The following MYO16 variants were observed in gnomAD, a reference collection of about 807,000 sequenced individuals.
The protein encoded by MYO16 is myosin XVI.
MYO16 carries 94 observed loss-of-function variants against 205.3 expected under a neutral mutation model. The ratio of observed to expected loss-of-function variants is 0.46; its 90% confidence interval spans 0.39 to 0.54. The LOEUF (loss-of-function observed/expected upper bound fraction) is 0.54. Among genes scored for constraint, MYO16 ranks in the 20% least tolerant of loss-of-function variants. The pLI is 0.00. For missense variants in MYO16, 2,315 were observed against 2,387.5 expected (o/e 0.97, Z 0.63); for synonymous variants, 988 against 954.0 (o/e 1.04, Z -0.66).
At chr13:108,854,550 C>T (rs779761591) in intron 10 of MYO16, among the ~76,000 whole-genome samples, 1 of 151,708 alleles carries the variant, frequency 6.6e-6, no homozygotes, top group Non-Finnish European at 1.5e-5. Context: ...ATACAAAATG[C>T]AAATATAGAC....
At chr13:109,111,139 G>A (rs536365783) in intron 28 of MYO16, among the ~76,000 whole-genome samples, 1 of 152,194 alleles carries the variant, frequency 6.6e-6, no homozygotes, top group African/African-American at 2.4e-5. Context: ...ATGAATTATA[G>A]GTAAAGGCCT....
chr13:108,726,888 CTT>C (rs1884359892), intron 3 of MYO16, among the ~76,000 whole-genome samples: 1 of 151,750 alleles, frequency 6.6e-6, no homozygotes, highest in African/African-American at 2.4e-5. Flanking sequence ...TTAGGAGACT[CTT>C]AAATTTCAGC....
intron 1 of MYO16, among the ~76,000 whole-genome samples, chr13:108,637,235 C>A (rs766182224): frequency 6.6e-6 from 1 of 152,072 alleles, no homozygotes; most frequent in African/African-American, 2.4e-5. Flanking sequence ...TGTTTTGCTC[C>A]GTGTTGACGT....
chr13:109,035,626 G>A (rs953918264), intron 23 of MYO16, among the ~76,000 whole-genome samples: 1 of 152,220 alleles, frequency 6.6e-6, no homozygotes, highest in African/African-American at 2.4e-5. Context: ...AGAGGTTGCA[G>A]TGAGCAGAGA....
the MYO16 span, among the ~76,000 whole-genome samples, chr13:108,587,485 A>G: frequency 0.35 from 53,399 of 152,048 alleles, 10,689 homozygotes; most frequent in Non-Finnish European, 0.44. Context: ...TTAAACTACC[A>G]AACAATGTTA....
rs1464740336 is a variant in MYO16, at chr13:108,844,326, G to T, written c.1098-17G>T. On this transcript the variant is annotated splice_polypyrimidine_tract_variant and intron_variant, in intron 9 of 34. Coordinates refer to ENST00000457511, the MANE Select transcript of MYO16 (RefSeq NM_001198950.3). ...TTAGAAAGAGACTAATTGTAGTATT[G>T]ATTTTTTTTCCTGTAGCAGTCCCCT... is the stretch of plus-strand genomic sequence containing the variant. 4 of 1,598,962 alleles carry T rather than the reference G, an allele frequency of 2.5e-6. No homozygotes were observed. The highest frequency in any genetic ancestry group is 3.4e-4 in the Middle Eastern group (2 of 5,952).
chr13:109,068,959 A>T (rs1887842672), intron 27 of MYO16, among the ~76,000 whole-genome samples: 1 of 152,066 alleles, frequency 6.6e-6, no homozygotes, highest in Non-Finnish European at 1.5e-5. Context: ...TACTTTATCG[A>T]TCTCCAGGCC....
chr13:109,140,957 T>C lies in MYO16; in HGVS notation c.4745T>C (p.Leu1582Pro). ...GDRPASPGLA[L>P]FNGSGRASPP... ...AGGCCCGCGTCCCCCGGCCTGGCGC[T>C]GTTCAACGGGTCCGGCCGAGCCTCC... Residue 1582 changes from leucine (L) to proline (P), a missense_variant, in exon 32 of 35, where the codon CTG (leucine) becomes CCG (proline). Physicochemically the swap from Leu to Pro is moderately conservative, Grantham distance 98. Around this residue, in one of 3 missense-constraint regions of MYO16, gnomAD observed 1,097 missense variants for 1,092.0 expected, o/e 1.00. Transcript: ENST00000457511. The surrounding 1 kb of genome is among the most constrained non-coding windows in gnomAD (Gnocchi z 8.0). The C allele has an allele frequency of 6.6e-7, 1 of 1,505,644 alleles. No individual in the cohort carries two copies. The highest frequency in any genetic ancestry group is 1.3e-5 in the South Asian group (1 of 78,938). The allele number at this position is 1,505,644 out of a possible 1,614,324, so 93.3% of individuals were successfully genotyped here. A position where few individuals can be genotyped will look rare whatever the true frequency, so the allele number is the denominator to read the frequency against.
At chr13:108,780,356 AT>A (rs1297850983) in intron 4 of MYO16, among the ~76,000 whole-genome samples, 1 of 29,638 alleles carries the variant, frequency 3.4e-5, no homozygotes, top group African/African-American at 1.1e-4. Flanking sequence ...CTGACGTCTG[AT>A]TTAAAAAAAA....
intron 4 of MYO16, among the ~76,000 whole-genome samples, chr13:108,734,240 A>G (rs140431275): frequency 0.012 from 1,774 of 151,444 alleles, 16 homozygotes; most frequent in Non-Finnish European, 0.017. Context: ...AAAATCTTTG[A>G]TGCAATAAAA....
At chr13:108,925,184 G>C (rs960663679) in intron 16 of MYO16, among the ~76,000 whole-genome samples, 1 of 152,062 alleles carries the variant, frequency 6.6e-6, no homozygotes, top group Non-Finnish European at 1.5e-5. Flanking sequence ...CACTGGTCCC[G>C]GCATCTCTCT....
chr13:108,530,036 G>T, the MYO16 span, among the ~76,000 whole-genome samples: 26,760 of 152,146 alleles, frequency 0.18, 2,811 homozygotes, highest in South Asian at 0.27. Context: ...ACCTGGACAG[G>T]TGGGTCCGTG....
chr13:108,671,945 T>C (rs1297256901), intron 2 of MYO16, among the ~76,000 whole-genome samples: 1 of 152,136 alleles, frequency 6.6e-6, no homozygotes, highest in East Asian at 1.9e-4. Flanking sequence ...CTACATATGA[T>C]TTTTGAGGGA....
intron 3 of MYO16, among the ~76,000 whole-genome samples, chr13:108,715,994 A>C (rs1442738233): frequency 1.3e-5 from 2 of 151,636 alleles, no homozygotes; most frequent in Non-Finnish European, 2.9e-5. Flanking sequence ...CATAGTGAAT[A>C]CTTGTCCAAG....
At chr13:108,953,194 G>A (rs977729123) in intron 16 of MYO16, among the ~76,000 whole-genome samples, 3 of 152,194 alleles carry the variant, frequency 2.0e-5, no homozygotes, top group African/African-American at 4.8e-5. Context: ...TGTAAACTAC[G>A]ATCTTTTCCT....
At chr13:108,578,380 C>T in the MYO16 span, among the ~76,000 whole-genome samples, 2 of 152,140 alleles carry the variant, frequency 1.3e-5, no homozygotes, top group South Asian at 4.2e-4. Flanking sequence ...TTTCACAGTT[C>T]CTATTTTAAA....
chr13:108,901,311 T>G (rs1880695313), intron 15 of MYO16, among the ~76,000 whole-genome samples: 1 of 152,312 alleles, frequency 6.6e-6, no homozygotes, highest in South Asian at 2.1e-4. Flanking sequence ...AATAAAAACT[T>G]GCTGGTTTTA....
intron 23 of MYO16, among the ~76,000 whole-genome samples, chr13:109,024,386 A>G (rs1338226982): frequency 6.6e-6 from 1 of 152,022 alleles, no homozygotes; most frequent in Non-Finnish European, 1.5e-5. Flanking sequence ...TGTGTATTGG[A>G]GATGCACTAG....
intron 16 of MYO16, among the ~76,000 whole-genome samples, chr13:108,916,310 AG>A (rs970650114): frequency 1.3e-5 from 2 of 152,164 alleles, no homozygotes; most frequent in African/African-American, 2.4e-5. Context: ...AGAGGGTGCA[AG>A]GCTGTGTCTG....
Sources: allele counts gnomAD v4.1 joint callset (sites outside exome capture counted in the v4.1 genomes callset), GRCh38; gene constraint gnomAD v4.1.1; regional missense constraint gnomAD v4.1.1; non-coding constraint Gnocchi (gnomAD v3.1); transcripts MANE v1.5; gene names NCBI Gene and HGNC (gene_info 2026-07-23, HGNC 2026-07-21).